Variants in NFYC observed in about 807,000 individuals in gnomAD.
NFYC encodes the protein CAAT box DNA-binding protein subunit C.
In NFYC, 25 loss-of-function variants were observed where a neutral mutation model predicts 53.1. That is an observed-to-expected ratio of 0.47 (90% CI 0.34 to 0.66). NFYC has a LOEUF of 0.66. Among genes scored for constraint, NFYC ranks in the 30% least tolerant of loss-of-function variants. NFYC has a pLI of 0.01. For synonymous variants in NFYC, 145 were observed against 152.6 expected (o/e 0.95, Z 0.37); for missense variants, 260 against 422.7 (o/e 0.62, Z 3.38).
At chr1:40,714,782 T>A (rs2148466758) in intron 1 of NFYC, among the ~76,000 whole-genome samples, 1 of 151,758 alleles carries the variant, frequency 6.6e-6, no homozygotes, top group Admixed American at 6.6e-5. Context: ...CCTGGCTAAT[T>A]AAAAAAAAAT....
chr1:40,747,863 T>TC (rs1645696456), intron 3 of NFYC, among the ~76,000 whole-genome samples: 1 of 148,260 alleles, frequency 6.7e-6, no homozygotes, highest in African/African-American at 2.5e-5. Context: ...TTTTTGAGAG[T>TC]TTTACTCTGT....
chr1:40,771,297 G>T lies in NFYC; in HGVS notation c.*469G>T. ...GTTGTTCTGCCCTCAGATGGAATTA[G>T]GTGAATGTGTGTAGCTGCTTTTTCA... On this transcript the variant is annotated 3_prime_UTR_variant, in exon 10 of 10. Coordinates refer to ENST00000447388, the MANE Select transcript of NFYC (RefSeq NM_014223.5). The T allele has an allele frequency of 2.7e-6, 1 of 365,346 alleles. No individual in the cohort carries two copies. 22.6% of individuals were successfully genotyped at this position (365,346 alleles called of 1,614,324 possible).
At chr1:40,703,797 T>C (rs979058512) in intron 1 of NFYC, among the ~76,000 whole-genome samples, 1 of 152,220 alleles carries the variant, frequency 6.6e-6, no homozygotes, top group African/African-American at 2.4e-5. Context: ...TATTTAGATA[T>C]TAATTGGGCA....
chr1:40,704,261 C>T lies in NFYC; in HGVS notation c.-9+12394C>T, dbSNP rs537015197. On this transcript the variant is annotated intron_variant, in intron 1 of 9. Coordinates refer to ENST00000447388, the MANE Select transcript of NFYC (RefSeq NM_014223.5). ...TAATTTTTTGTATTGTTAGTAGAGA[C>T]GGGGTTTCACCGTGTTAGCCAGGAT... is the stretch of plus-strand genomic sequence containing the variant. Among the ~76,000 whole-genome samples, 99 of 152,162 alleles carry T rather than the reference C, an allele frequency of 6.5e-4. 1 individual carries two copies. Among genetic ancestry groups the T allele is most frequent in the African/African-American group, 2.3e-3 (95 of 41,498 alleles).
chr1:40,697,754 T>G (rs1224839337), intron 1 of NFYC, among the ~76,000 whole-genome samples: 2 of 152,224 alleles, frequency 1.3e-5, no homozygotes, highest in African/African-American at 2.4e-5. Context: ...GACAGTATTG[T>G]GGAATGGTTC....
intron 9 of NFYC, among the ~76,000 whole-genome samples, chr1:40,769,628 C>T (rs983580796): frequency 6.6e-6 from 1 of 152,140 alleles, no homozygotes; most frequent in Non-Finnish European, 1.5e-5. Context: ...AGACATGTAG[C>T]CCAAATTGCC....
chr1:40,745,434 A>G (rs796978373), intron 2 of NFYC, among the ~76,000 whole-genome samples: 64 of 152,322 alleles, frequency 4.2e-4, no homozygotes, highest in African/African-American at 1.5e-3. Flanking sequence ...ATGCCACACA[A>G]GAAGGAAGAC....
At chr1:40,699,230 A>G (rs772743359) in intron 1 of NFYC, among the ~76,000 whole-genome samples, 1 of 152,204 alleles carries the variant, frequency 6.6e-6, no homozygotes, top group African/African-American at 2.4e-5. Context: ...GTTAGAGTAT[A>G]GAATATTTTG....
intron 1 of NFYC, among the ~76,000 whole-genome samples, chr1:40,703,145 C>T (rs6676897): frequency 8.6e-5 from 13 of 151,866 alleles, no homozygotes; most frequent in Non-Finnish European, 1.8e-4. Flanking sequence ...AAACTTGAAC[C>T]GAAACTTAAA....
chr1:40,708,243 G>T (rs1035733378), intron 1 of NFYC, among the ~76,000 whole-genome samples: 1 of 152,222 alleles, frequency 6.6e-6, no homozygotes, highest in Non-Finnish European at 1.5e-5. Flanking sequence ...GAGCCCAGGA[G>T]TTTGAGGCTG....
rs1201077037 is a variant in NFYC, at chr1:40,691,820, G to A, written c.-56G>A. Reference sequence around the variant, plus strand: ...CTGGGCCTCTGCATTGCCCGACTCCGTAGGAGCGCGGGGGCGGCTCCTGCT... The same window carrying A: ...CTGGGCCTCTGCATTGCCCGACTCCATAGGAGCGCGGGGGCGGCTCCTGCT... On this transcript the variant is annotated 5_prime_UTR_variant, in exon 1 of 10. Coordinates refer to ENST00000447388, the MANE Select transcript of NFYC (RefSeq NM_014223.5). 1 of 438,828 alleles carries A rather than the reference G, an allele frequency of 2.3e-6. No individual in the cohort carries two copies. The allele number at this position is 438,828 out of a possible 1,614,324, so 27.2% of individuals were successfully genotyped here.
At chr1:40,704,819 A>C (rs1643616324) in intron 1 of NFYC, among the ~76,000 whole-genome samples, 1 of 152,028 alleles carries the variant, frequency 6.6e-6, no homozygotes, top group South Asian at 2.1e-4. Context: ...AAAAGTGGAG[A>C]ATTTTATGGC....
At chr1:40,706,413 G>C (rs1643694623) in intron 1 of NFYC, among the ~76,000 whole-genome samples, 1 of 152,120 alleles carries the variant, frequency 6.6e-6, no homozygotes, top group Non-Finnish European at 1.5e-5. Context: ...TAATATGGCA[G>C]AGTGATAGGG....
At chr1:40,700,700 G>A (rs1240083924) in intron 1 of NFYC, among the ~76,000 whole-genome samples, 1 of 152,078 alleles carries the variant, frequency 6.6e-6, no homozygotes, top group East Asian at 1.9e-4. Flanking sequence ...GGCTGGTCTT[G>A]AATTCAAAAA....
chr1:40,724,948 C>T (rs1164943186), intron 1 of NFYC, among the ~76,000 whole-genome samples: 1 of 152,164 alleles, frequency 6.6e-6, no homozygotes, highest in South Asian at 2.1e-4. Flanking sequence ...CTTTGAAAAG[C>T]GGCTTCCTCT....
chr1:40,758,396 G>C (rs1646347592), intron 6 of NFYC, 102 bp downstream of exon 6: 1 of 1,275,292 alleles, frequency 7.8e-7, no homozygotes, highest in Non-Finnish European at 1.1e-6. Context: ...GATCATTATA[G>C]AGCACTGGAT....
At chr1:40,705,256 G>A (rs1471383968) in intron 1 of NFYC, among the ~76,000 whole-genome samples, 1 of 152,260 alleles carries the variant, frequency 6.6e-6, no homozygotes, top group African/African-American at 2.4e-5. Flanking sequence ...AGTAATCAGC[G>A]AGGTTGTGAA....
intron 5 of NFYC, among the ~76,000 whole-genome samples, chr1:40,756,058 A>G (rs906856177): frequency 3.3e-5 from 5 of 152,156 alleles, no homozygotes; most frequent in African/African-American, 1.2e-4. Context: ...ATACCCTCTC[A>G]TTACCCAAGA....
intron 1 of NFYC, among the ~76,000 whole-genome samples, chr1:40,704,359 C>T (rs969992075): frequency 9.9e-5 from 15 of 152,206 alleles, no homozygotes; most frequent in African/African-American, 3.6e-4. Context: ...GCGTGAGCCA[C>T]AGCGCCCAGC....
Sources: allele counts gnomAD v4.1 joint callset (sites outside exome capture counted in the v4.1 genomes callset), GRCh38; gene constraint gnomAD v4.1.1; transcripts MANE v1.5; gene names NCBI Gene and HGNC (gene_info 2026-07-23, HGNC 2026-07-21).